The following SCOC variants were observed in gnomAD, a reference collection of about 807,000 sequenced individuals.
The protein encoded by SCOC is short coiled-coil protein.
In SCOC, 7 loss-of-function variants were observed where a neutral mutation model predicts 9.9. That is an observed-to-expected ratio of 0.71 (90% CI 0.40 to 1.33). The LOEUF (loss-of-function observed/expected upper bound fraction) is 1.33. SCOC is among the 40% of genes most tolerant of loss of function. The pLI is 0.01. For synonymous variants in SCOC, 19 were observed against 28.2 expected (o/e 0.67, Z 1.03); for missense variants, 66 against 89.7 (o/e 0.74, Z 1.07).
intron 1 of SCOC, among the ~76,000 whole-genome samples, chr4:140,281,024 T>C (rs369922237): frequency 3.7e-4 from 57 of 152,300 alleles, no homozygotes; most frequent in African/African-American, 1.3e-3. Flanking sequence ...GGTCTTCTGA[T>C]ATTGAATACA....
intron 3 of SCOC, 42 bp from the exon 4 acceptor site, chr4:140,380,920 T>C (rs942255084): frequency 7.3e-7 from 1 of 1,374,712 alleles, no homozygotes; most frequent in Admixed American, 2.5e-5. Context: ...GGAATCATTG[T>C]CATTGTTTTA....
At chr4:140,372,788 G>C (rs557454477), upstream of SCOC, among the ~76,000 whole-genome samples, 52 of 152,336 alleles carry the variant, frequency 3.4e-4, no homozygotes, top group African/African-American at 1.2e-3. Flanking sequence ...ATGTATTGCT[G>C]TGGATGTCTA....
intron 2 of SCOC, chr4:140,366,512 T>G: frequency 1.3e-6 from 2 of 1,561,842 alleles, no homozygotes; most frequent in Non-Finnish European, 1.8e-6. Context: ...ATTCTGTTCC[T>G]CATTGCCTTC....
intron 1 of SCOC, among the ~76,000 whole-genome samples, chr4:140,313,211 G>GT (rs1732205005): frequency 6.6e-6 from 1 of 152,168 alleles, no homozygotes; most frequent in South Asian, 2.1e-4. Flanking sequence ...CTAACCTGAA[G>GT]TTTATCCTGT....
In SCOC at chr4:140,288,491, A is replaced by G. The variant is rs1560684664; in HGVS notation, c.-19+31081A>G. Among the ~76,000 whole-genome samples, 3 of 152,098 alleles carry G rather than the reference A, an allele frequency of 2.0e-5. No individual in the cohort carries two copies. In the East Asian group the frequency reaches 5.8e-4, roughly 29 times the overall value. On this transcript the variant is annotated intron_variant, in intron 1 of 4. Coordinates refer to the SCOC transcript ENST00000394205. ...TCCTATACACTACACACATAAGTAC[A>G]CACCACAAACACTACACACATACAC...
chr4:140,297,482 C>T (rs1731680657), intron 1 of SCOC, among the ~76,000 whole-genome samples: 1 of 152,256 alleles, frequency 6.6e-6, no homozygotes, highest in African/African-American at 2.4e-5. Flanking sequence ...AGCTACCACT[C>T]TTCATTTTTT....
At chr4:140,285,611 A>G (rs568927484) in intron 1 of SCOC, among the ~76,000 whole-genome samples, 7 of 152,396 alleles carry the variant, frequency 4.6e-5, no homozygotes, top group African/African-American at 1.7e-4. Context: ...CAAGAGAAGT[A>G]GTACAGAAAT....
intron 1 of SCOC, among the ~76,000 whole-genome samples, chr4:140,259,670 C>G (rs1037640877): frequency 2.6e-5 from 4 of 152,222 alleles, no homozygotes; most frequent in African/African-American, 9.6e-5. Flanking sequence ...GAGCACACCA[C>G]TGCATTCCAG....
chr4:140,336,983 A>G (rs989718267), intron 1 of SCOC, among the ~76,000 whole-genome samples: 1 of 152,180 alleles, frequency 6.6e-6, no homozygotes, highest in African/African-American at 2.4e-5. Context: ...CATTTCCTTC[A>G]TTACCAAAGA....
chr4:140,355,252 G>GATATA (rs1727176639), intron 2 of SCOC, among the ~76,000 whole-genome samples: 1 of 134,360 alleles, frequency 7.4e-6, no homozygotes, highest in African/African-American at 2.9e-5. Flanking sequence ...TATATATAAT[G>GATATA]TATATAAAAC....
chr4:140,327,896 T>C (rs1006725737), intron 1 of SCOC, among the ~76,000 whole-genome samples: 2 of 152,028 alleles, frequency 1.3e-5, no homozygotes, highest in African/African-American at 4.8e-5. Context: ...TTTTCTGTAG[T>C]GTTGAGCATT....
chr4:140,297,511 TG>T (rs1731682214), intron 1 of SCOC, among the ~76,000 whole-genome samples: 1 of 152,204 alleles, frequency 6.6e-6, no homozygotes, highest in Non-Finnish European at 1.5e-5. Context: ...TTTGGTCCTT[TG>T]ATTCATTCAT....
At chr4:140,280,771 A>G (rs1731079798) in intron 1 of SCOC, among the ~76,000 whole-genome samples, 1 of 152,160 alleles carries the variant, frequency 6.6e-6, no homozygotes, top group South Asian at 2.1e-4. Context: ...AGATCCACAT[A>G]TGGGCTTTAG....
At chr4:140,340,062 C>A (rs1331285607), upstream of SCOC, among the ~76,000 whole-genome samples, 1 of 152,166 alleles carries the variant, frequency 6.6e-6, no homozygotes, top group East Asian at 1.9e-4. Context: ...AAATGTCCAA[C>A]AATGATAGAC....
intron 2 of SCOC, among the ~76,000 whole-genome samples, chr4:140,365,163 T>A (rs985728905): frequency 8.9e-6 from 1 of 112,402 alleles, no homozygotes. Context: ...ATGAAAGATA[T>A]GGATATGGCA....
intron 1 of SCOC, among the ~76,000 whole-genome samples, chr4:140,334,965 G>T (rs1225361646): frequency 6.6e-6 from 1 of 152,078 alleles, no homozygotes; most frequent in South Asian, 2.1e-4. Context: ...TAAAAAACAG[G>T]AAATCTTGCA....
In SCOC at chr4:140,260,725, G is replaced by C. The variant is rs1022776468; in HGVS notation, c.-19+3315G>C. 2.0e-5 allele frequency among the ~76,000 whole-genome samples: 3 copies of C among 152,354 alleles called. No homozygotes were observed. In the South Asian group the frequency reaches 6.2e-4, roughly 32 times the overall value. On this transcript the variant is annotated intron_variant, in intron 1 of 4. Transcript: ENST00000394205. ...AAGAATAACATTCACTCATTCTGGA[G>C]TGGGGACACATGAATCTGAAACATA...
At chr4:140,344,179 C>G (rs899152300) in intron 2 of SCOC, among the ~76,000 whole-genome samples, 2 of 152,066 alleles carry the variant, frequency 1.3e-5, no homozygotes, top group Admixed American at 1.3e-4. Context: ...AGAGAAGGAA[C>G]CAAGTGGGAG....
chr4:140,348,072 A>T (rs1272815579), intron 2 of SCOC, among the ~76,000 whole-genome samples: 2 of 152,172 alleles, frequency 1.3e-5, no homozygotes, highest in Non-Finnish European at 2.9e-5. Flanking sequence ...AATGTAGTGG[A>T]ACGGCCACAT....
Sources: allele counts gnomAD v4.1 joint callset (sites outside exome capture counted in the v4.1 genomes callset), GRCh38; gene constraint gnomAD v4.1.1; transcripts MANE v1.5; gene names NCBI Gene and HGNC (gene_info 2026-07-23, HGNC 2026-07-21).